The following TLE2 variants were observed in gnomAD, a reference collection of about 807,000 sequenced individuals.
The protein encoded by TLE2 is TLE family member 2, transcriptional corepressor.
TLE2 carries 74 observed loss-of-function variants against 97.2 expected under a neutral mutation model. The observed-to-expected ratio is 0.76, with a 90% CI of 0.63 to 0.92. TLE2 has a LOEUF of 0.92. Among genes scored for constraint, TLE2 ranks in the 40% least tolerant of loss-of-function variants. TLE2 has a pLI of 0.00. For missense variants in TLE2, 1,038 were observed against 1,008.7 expected (o/e 1.03, Z -0.39); for synonymous variants, 499 against 432.1 (o/e 1.15, Z -1.92).
intron 1 of TLE2, among the ~76,000 whole-genome samples, chr19:3,040,634 C>T (rs987112538): frequency 6.6e-6 from 1 of 151,342 alleles, no homozygotes; most frequent in African/African-American, 2.4e-5. Flanking sequence ...CCATCTCACC[C>T]GGCACAGCAT....
Position 3,000,371 on chromosome 19 carries a change from G to A in TLE2, c.2124+276C>T, listed in dbSNP as rs921136189. Among the ~76,000 whole-genome samples, 5 of 152,000 alleles carry A rather than the reference G, an allele frequency of 3.3e-5. No individual in the cohort carries two copies. In the East Asian group the frequency reaches 7.8e-4, roughly 24 times the overall value. On this transcript the variant is annotated intron_variant, in intron 19 of 19. Coordinates refer to ENST00000262953, the MANE Select transcript of TLE2 (RefSeq NM_003260.5). ...ATTACAGGCATGAGCGACCGTGCCC[G>A]GCTGGCAAATTTTAAATTTTATAAT...
chr19:3,023,585 C>T (rs1340590549), intron 5 of TLE2, among the ~76,000 whole-genome samples: 2 of 152,222 alleles, frequency 1.3e-5, no homozygotes, highest in Non-Finnish European at 2.9e-5. Context: ...GAAGAGAGAA[C>T]GTACCACACA....
intron 14 of TLE2, among the ~76,000 whole-genome samples, chr19:3,008,372 GTC>G (rs1599206327): frequency 6.6e-6 from 1 of 152,088 alleles, no homozygotes; most frequent in Non-Finnish European, 1.5e-5. Flanking sequence ...ATCGCCCAGT[GTC>G]CCCTGGGGGG....
At chr19:3,003,104 C>T (rs2089401225) in intron 17 of TLE2, among the ~76,000 whole-genome samples, 2 of 152,046 alleles carry the variant, frequency 1.3e-5, no homozygotes, top group Admixed American at 6.6e-5. Flanking sequence ...GGCAGCTGGC[C>T]CAGGACTGGG....
In TLE2 at chr19:3,006,536, C is replaced by T. The variant is rs1360746694; in HGVS notation, c.1384G>A (p.Ala462Thr). 1.9e-6 allele frequency: 3 copies of T among 1,606,684 alleles called. No individual in the cohort carries two copies. The change falls in exon 15 of 20, where the codon GCG becomes ACG. Residue 462 changes from alanine (A) to threonine (T), a missense_variant. Coordinates refer to ENST00000262953, the MANE Select transcript of TLE2 (RefSeq NM_003260.5). The stretch of plus-strand genomic sequence containing the variant: ...TGTGTGGAGCCGCTGATGGTGACCG[C>T]GCAGACCACCTCGCCATGGGCCAGC... ...HTLAHGEVVC[A>T]VTISGSTQHV...
At chr19:3,025,460 C>T (rs1258328979) in intron 4 of TLE2, 16 of 1,031,924 alleles carry the variant, frequency 1.6e-5, no homozygotes, top group Non-Finnish European at 1.7e-5. Flanking sequence ...AAGGGGCCTC[C>T]GCCTGGAGTC....
Position 3,028,314 on chromosome 19 carries a change from C to T in TLE2, c.186+5G>A, listed in dbSNP as rs763881739. 1.2e-6 allele frequency: 2 copies of T among 1,606,926 alleles called. No individual in the cohort carries two copies. The highest frequency in any genetic ancestry group is 1.7e-6 in the Non-Finnish European group (2 of 1,176,668). On this transcript the variant is annotated splice_donor_5th_base_variant and intron_variant, in intron 3 of 19. Coordinates refer to ENST00000262953, the MANE Select transcript of TLE2 (RefSeq NM_003260.5). The stretch of plus-strand genomic sequence containing the variant: ...CCCTCACCCTGGCATCATAAGTGCC[C>T]TCACCATGACATAATGTCGCTGCAT...
intron 5 of TLE2, chr19:3,020,193 G>A (rs2089808690): frequency 5.4e-6 from 1 of 186,028 alleles, no homozygotes; most frequent in Non-Finnish European, 1.1e-5. Context: ...CCGAGATCGT[G>A]CCAATGCATT....
intron 18 of TLE2, among the ~76,000 whole-genome samples, chr19:3,001,894 T>A (rs1463212432): frequency 6.7e-6 from 1 of 149,802 alleles, no homozygotes; most frequent in Non-Finnish European, 1.5e-5. Context: ...ACCTCCCGGG[T>A]TCAGGCAATT....
chr19:3,024,954 G>A lies in TLE2; in HGVS notation c.294+66C>T, dbSNP rs59922926. On this transcript the variant is annotated intron_variant, in intron 5 of 19. Transcript: ENST00000262953. ...TCAGTGCCTGGGGCGTCCTCGCCCA[G>A]ACCTACCCCCTCCCGTCTTCTTCCG... The A allele has an allele frequency of 1.0e-3, 1,436 of 1,432,914 alleles. 8 individuals carry two copies. In the African/African-American group the frequency reaches 0.017, roughly 17 times the overall value. 88.8% of individuals were successfully genotyped at this position (1,432,914 alleles called of 1,614,324 possible). A position where few individuals can be genotyped will look rare whatever the true frequency, so the allele number is the denominator to read the frequency against.
intron 5 of TLE2, among the ~76,000 whole-genome samples, chr19:3,023,824 G>A (rs923417681): frequency 6.6e-6 from 1 of 151,428 alleles, no homozygotes; most frequent in African/African-American, 2.4e-5. Flanking sequence ...CCCAGGAGGT[G>A]GAGGTTGCAG....
In TLE2 at chr19:3,019,492, G is replaced by T; in HGVS notation, c.370-29C>A. Reference sequence around the variant, plus strand: ...CTAGAAAGGAGGCAGGATGGGCCGGGGCGGGGGGCGGCAGGAGCCCAGCGG... The same window carrying T: ...CTAGAAAGGAGGCAGGATGGGCCGGTGCGGGGGGCGGCAGGAGCCCAGCGG... On this transcript the variant is annotated intron_variant, in intron 6 of 19. Coordinates refer to ENST00000262953, the MANE Select transcript of TLE2 (RefSeq NM_003260.5). The surrounding 1 kb of genome is among the most constrained non-coding windows in gnomAD (Gnocchi z 5.1). The T allele has an allele frequency of 6.7e-7, 1 of 1,489,358 alleles. No homozygotes were observed. The allele number at this position is 1,489,358 out of a possible 1,614,324, so 92.3% of individuals were successfully genotyped here.
At chr19:3,002,697 G>A (rs561355872) in intron 17 of TLE2, among the ~76,000 whole-genome samples, 194 bp from the exon 18 acceptor site, 1 of 150,612 alleles carries the variant, frequency 6.6e-6, no homozygotes, top group South Asian at 2.1e-4. Flanking sequence ...CATCACGCTG[G>A]ATAATCTTTT....
At chr19:3,042,387 C>T (rs2145235427) in intron 1 of TLE2, among the ~76,000 whole-genome samples, 1 of 99,594 alleles carries the variant, frequency 1.0e-5, no homozygotes, top group South Asian at 3.4e-4. Flanking sequence ...TGGCAGGCTC[C>T]CAGCAACTGC....
In TLE2 at chr19:3,019,691, A is replaced by G; in HGVS notation, c.369+8T>C. 1 of 1,606,388 alleles carries G rather than the reference A, an allele frequency of 6.2e-7. No homozygotes were observed. Among genetic ancestry groups the G allele is most frequent in the South Asian group, 1.1e-5 (1 of 89,836 alleles). ...CCCCATGGCGGGGCAGGGGCTAGAG[A>G]GACTCACCCCGATGAGGCTGTTCAG... On this transcript the variant is annotated splice_region_variant and intron_variant, in intron 6 of 19. Transcript: ENST00000262953. This position sits in a 1 kb window ranked among gnomAD's most constrained non-coding sequence, Gnocchi z 5.1.
Position 3,019,133 on chromosome 19 carries a change from A to T in TLE2, c.550+150T>A. On this transcript the variant is annotated intron_variant, in intron 7 of 19. Transcript: ENST00000262953. The surrounding 1 kb of genome is among the most constrained non-coding windows in gnomAD (Gnocchi z 5.1). ...GGCTGGTCATGAACTCCTGGGCTCA[A>T]GCGATCCTCCCGCCTCGGCCTCCCA... 3 of 1,195,512 alleles carry T rather than the reference A, an allele frequency of 2.5e-6. No homozygotes were observed. The highest frequency in any genetic ancestry group is 3.5e-6 in the Non-Finnish European group (3 of 868,050). The allele number at this position is 1,195,512 out of a possible 1,614,324, so 74.1% of individuals were successfully genotyped here.
In TLE2 at chr19:3,029,032, G is replaced by A. The variant is rs936625774; in HGVS notation, c.-128C>T. The A allele has an allele frequency of 1.2e-4, 171 of 1,485,268 alleles. No homozygotes were observed. The highest frequency in any genetic ancestry group is 1.4e-4 in the Non-Finnish European group (159 of 1,118,626). 92.0% of individuals were successfully genotyped at this position (1,485,268 alleles called of 1,614,324 possible). ...GAAAGAGGGAGGAGGGAGAAGCGGC[G>A]CGGGGCAAGGGACCCTGGAGTCCCT... On this transcript the variant is annotated 5_prime_UTR_variant, in exon 1 of 20. Coordinates refer to ENST00000262953, the MANE Select transcript of TLE2 (RefSeq NM_003260.5).
chr19:3,011,195 C>T, intron 11 of TLE2, 35 bp from the exon 12 acceptor site: 2 of 1,538,170 alleles, frequency 1.3e-6, no homozygotes, highest in South Asian at 1.3e-5. Context: ...GGCCACCAGG[C>T]ACCTGGTGTC....
chr19:3,019,488 C>T lies in TLE2; in HGVS notation c.370-25G>A. On this transcript the variant is annotated intron_variant, in intron 6 of 19. Coordinates refer to ENST00000262953, the MANE Select transcript of TLE2 (RefSeq NM_003260.5). This position sits in a 1 kb window ranked among gnomAD's most constrained non-coding sequence, Gnocchi z 5.1. The stretch of plus-strand genomic sequence containing the variant: ...GCTGCTAGAAAGGAGGCAGGATGGG[C>T]CGGGGCGGGGGGCGGCAGGAGCCCA... The T allele has an allele frequency of 6.7e-7, 1 of 1,494,744 alleles. No homozygotes were observed. Among genetic ancestry groups the T allele is most frequent in the Non-Finnish European group, 8.9e-7 (1 of 1,125,804 alleles). The allele number at this position is 1,494,744 out of a possible 1,614,324, so 92.6% of individuals were successfully genotyped here.
Sources: allele counts gnomAD v4.1 joint callset (sites outside exome capture counted in the v4.1 genomes callset), GRCh38; gene constraint gnomAD v4.1.1; non-coding constraint Gnocchi (gnomAD v3.1); transcripts MANE v1.5; gene names NCBI Gene and HGNC (gene_info 2026-07-23, HGNC 2026-07-21).